Variants in RHOBTB1 observed in about 807,000 individuals in gnomAD.
RHOBTB1 encodes Rho related BTB domain containing 1.
A neutral mutation model predicts 71.6 loss-of-function variants in RHOBTB1; 40 were observed. The observed-to-expected ratio is 0.56, with a 90% CI of 0.43 to 0.73. The LOEUF (loss-of-function observed/expected upper bound fraction) is 0.73, where lower values mean the gene tolerates loss of function less well. Ranked by LOEUF, RHOBTB1 falls within the 30% of genes least tolerant of loss-of-function variation. RHOBTB1 has a pLI of 0.00. For synonymous variants in RHOBTB1, 319 were observed against 334.9 expected (o/e 0.95, Z 0.52); for missense variants, 797 against 894.0 (o/e 0.89, Z 1.38).
intron 7 of RHOBTB1, among the ~76,000 whole-genome samples, chr10:60,885,179 G>C (rs1253741107): frequency 6.6e-6 from 1 of 152,172 alleles, no homozygotes; most frequent in African/African-American, 2.4e-5. Context: ...GATTTTAAAT[G>C]TTCTCATCAC....
intron 2 of RHOBTB1, among the ~76,000 whole-genome samples, chr10:60,957,814 A>C (rs2085646593): frequency 6.6e-6 from 1 of 152,200 alleles, no homozygotes; most frequent in African/African-American, 2.4e-5. Context: ...TTCCCACTGT[A>C]TCTCCTTTAC....
chr10:60,987,468 A>G (rs1489594153), intron 1 of RHOBTB1, among the ~76,000 whole-genome samples: 9 of 152,130 alleles, frequency 5.9e-5, no homozygotes, highest in African/African-American at 2.2e-4. Flanking sequence ...CACAACACAC[A>G]TAACCAATGA....
At chr10:60,986,404 G>GAGAT (rs1554860004) in intron 1 of RHOBTB1, among the ~76,000 whole-genome samples, 3 of 67,636 alleles carry the variant, frequency 4.4e-5, no homozygotes, top group Non-Finnish European at 1.1e-4. Context: ...ATAAATAAAA[G>GAGAT]ATATATATAT....
intron 2 of RHOBTB1, among the ~76,000 whole-genome samples, chr10:60,966,013 G>A (rs964497578): frequency 6.6e-6 from 1 of 152,110 alleles, no homozygotes; most frequent in African/African-American, 2.4e-5. Flanking sequence ...TAAAAACTGT[G>A]ATGGGGATAG....
At chr10:60,916,786 G>C (rs149347017) in intron 2 of RHOBTB1, among the ~76,000 whole-genome samples, 5 of 152,332 alleles carry the variant, frequency 3.3e-5, no homozygotes, top group African/African-American at 4.8e-5. Context: ...GTTGCAGATG[G>C]AATTAAGGTT....
chr10:60,997,964 T>C (rs1459092146), intron 1 of RHOBTB1, among the ~76,000 whole-genome samples: 1 of 152,196 alleles, frequency 6.6e-6, no homozygotes, highest in African/African-American at 2.4e-5. Context: ...TTATGGTCTG[T>C]TTTGGGGGGC....
chr10:60,916,769 G>A (rs993200192), intron 2 of RHOBTB1, among the ~76,000 whole-genome samples: 2 of 152,176 alleles, frequency 1.3e-5, no homozygotes, highest in Non-Finnish European at 2.9e-5. Context: ...TGGCATGAGG[G>A]AATAGGGTTG....
intron 2 of RHOBTB1, among the ~76,000 whole-genome samples, chr10:60,939,435 C>T (rs1322704179): frequency 1.3e-5 from 2 of 152,164 alleles, no homozygotes; most frequent in African/African-American, 4.8e-5. Context: ...CTGTAAATAT[C>T]CCATCCACTG....
At chr10:60,986,411 A>ATATATATATAT (rs1234624457) in intron 1 of RHOBTB1, among the ~76,000 whole-genome samples, 7 of 137,898 alleles carry the variant, frequency 5.1e-5, no homozygotes, top group African/African-American at 2.1e-4. Flanking sequence ...AAAGATATAT[A>ATATATATATAT]TATATATATA....
chr10:60,945,030 G>A (rs907483141), upstream of RHOBTB1, among the ~76,000 whole-genome samples: 2 of 152,000 alleles, frequency 1.3e-5, no homozygotes, highest in African/African-American at 2.4e-5. Flanking sequence ...CAGGCTGACC[G>A]TGAGTTCTGA....
At chr10:60,952,915 T>G (rs1319336297) in intron 2 of RHOBTB1, among the ~76,000 whole-genome samples, 1 of 152,088 alleles carries the variant, frequency 6.6e-6, no homozygotes, top group African/African-American at 2.4e-5. Flanking sequence ...CGATATGCCC[T>G]CACAACCACA....
At chr10:60,974,174 C>T (rs2086246655) in intron 2 of RHOBTB1, among the ~76,000 whole-genome samples, 1 of 151,956 alleles carries the variant, frequency 6.6e-6, no homozygotes, top group African/African-American at 2.4e-5. Context: ...CCCCTCTTTC[C>T]AGCAGTTTCA....
chr10:60,934,532 T>A (rs954746456), intron 2 of RHOBTB1, among the ~76,000 whole-genome samples: 1 of 152,236 alleles, frequency 6.6e-6, no homozygotes, highest in Non-Finnish European at 1.5e-5. Flanking sequence ...AGTAGTCATG[T>A]CAGAAGAGAG....
intron 4 of RHOBTB1, among the ~76,000 whole-genome samples, chr10:60,904,337 C>A (rs1248307139): frequency 6.6e-5 from 10 of 152,172 alleles, no homozygotes. Flanking sequence ...TTTTGACATA[C>A]GTATTCCCCA....
chr10:60,928,555 C>G (rs115152911), intron 2 of RHOBTB1, among the ~76,000 whole-genome samples: 87 of 151,730 alleles, frequency 5.7e-4, no homozygotes, highest in African/African-American at 2.0e-3. Flanking sequence ...CACTCATATA[C>G]AGGAGCTCCA....
At chr10:60,886,487 A>C (rs2081582389) in intron 6 of RHOBTB1, among the ~76,000 whole-genome samples, 1 of 152,104 alleles carries the variant, frequency 6.6e-6, no homozygotes, top group Non-Finnish European at 1.5e-5. Context: ...GAAAGGAGGG[A>C]ATATTTTTTC....
downstream of RHOBTB1, among the ~76,000 whole-genome samples, chr10:60,868,694 G>T (rs530245837): frequency 1.3e-5 from 2 of 152,238 alleles, no homozygotes; most frequent in South Asian, 4.1e-4. Flanking sequence ...AAAAGAAAAA[G>T]AATGCCAACA....
chr10:60,928,973 G>T (rs2084062561), intron 2 of RHOBTB1, among the ~76,000 whole-genome samples: 1 of 152,132 alleles, frequency 6.6e-6, no homozygotes, highest in Non-Finnish European at 1.5e-5. Flanking sequence ...TAAAATCATG[G>T]TGGAGGGTGA....
At chr10:60,900,765 A>C (rs960876266) in intron 4 of RHOBTB1, among the ~76,000 whole-genome samples, 6 of 152,236 alleles carry the variant, frequency 3.9e-5, no homozygotes, top group Non-Finnish European at 8.8e-5. Flanking sequence ...TTCAATAAAG[A>C]ATGAAAATAT....
Sources: gnomAD v4.1 joint callset for allele counts (sites outside exome capture counted in the v4.1 genomes callset) on GRCh38, gnomAD v4.1.1 for gene constraint, MANE v1.5 for transcripts, NCBI Gene and HGNC (gene_info 2026-07-23, HGNC 2026-07-21) for gene names.